The following MGAT5 variants were observed in gnomAD, a reference collection of about 807,000 sequenced individuals.
MGAT5 encodes alpha-1,6-mannosylglycoprotein 6-beta-N-acetylglucosaminyltransferase A.
MGAT5 carries 30 observed loss-of-function variants against 94.3 expected under a neutral mutation model. That is an observed-to-expected ratio of 0.32 (90% CI 0.24 to 0.43). MGAT5 has a LOEUF of 0.43. Ranked by LOEUF, MGAT5 falls within the 20% of genes least tolerant of loss-of-function variation. The pLI, the probability that MGAT5 is intolerant of heterozygous loss-of-function variation, is 1.00. For missense variants in MGAT5, 691 were observed against 905.5 expected (o/e 0.76, Z 3.04); for synonymous variants, 310 against 322.9 (o/e 0.96, Z 0.43).
At chr2:134,168,542 A>G (rs533306748) in intron 1 of MGAT5, among the ~76,000 whole-genome samples, 1 of 152,352 alleles carries the variant, frequency 6.6e-6, no homozygotes, top group East Asian at 1.9e-4. Flanking sequence ...TGGGCTTCAC[A>G]GTATGGTGAA....
At chr2:134,365,533 A>G (rs1680372384) in intron 10 of MGAT5, among the ~76,000 whole-genome samples, 2 of 152,236 alleles carry the variant, frequency 1.3e-5, no homozygotes, top group African/African-American at 4.8e-5. Context: ...AGGAGTCCAC[A>G]TGATGAAGCA....
Position 134,182,952 on chromosome 2 carries a change from A to G in MGAT5, c.-143+62661A>G, listed in dbSNP as rs533655163. The stretch of plus-strand genomic sequence containing the variant: ...CAGGCGCCCACCATCACACCTGGCT[A>G]ATTTTGTTTTTGTATTTTTAGTAGA... On this transcript the variant is annotated intron_variant, in intron 1 of 16. Coordinates refer to the MGAT5 transcript ENST00000409645. 2.4e-4 allele frequency among the ~76,000 whole-genome samples: 37 copies of G among 151,642 alleles called. No individual in the cohort carries two copies. In the South Asian group the frequency reaches 7.5e-3, roughly 31 times the overall value.
At chr2:134,284,694 T>G (rs1684900048) in intron 2 of MGAT5, among the ~76,000 whole-genome samples, 1 of 152,188 alleles carries the variant, frequency 6.6e-6, no homozygotes, top group Non-Finnish European at 1.5e-5. Flanking sequence ...GCAGAACAGT[T>G]ATCTCAATTT....
chr2:134,428,465 T>C (rs763772375), intron 14 of MGAT5, 26 bp downstream of exon 14: 1 of 1,603,038 alleles, frequency 6.2e-7, no homozygotes, highest in South Asian at 1.1e-5. Context: ...AGTCAGTCTG[T>C]CTTTGCTGTG....
chr2:134,403,068 TC>T lies in MGAT5; in HGVS notation c.1464del (p.Ser489ValfsTer3). 6.2e-7 allele frequency: 1 copy of T among 1,612,410 alleles called. No homozygotes were observed. The highest frequency in any genetic ancestry group is 8.5e-7 in the Non-Finnish European group (1 of 1,179,720). ...TTTATGGCTCCAGCACAAAGAATAT[TC>T]CCAGTTACGTGAAAAACCATGGTAT... Reference protein sequence around the residue: ...TVYGSSTKNIPSYVKNHGILS... With the variant: ...TVYGSSTKNIXSYVKNHGILS... On this transcript the variant is annotated frameshift_variant, in exon 11 of 16. Coordinates refer to ENST00000281923, the MANE Select transcript of MGAT5 (RefSeq NM_002410.5). LOFTEE classifies it high-confidence loss of function.
At chr2:134,434,091 C>T (rs966447215) in intron 14 of MGAT5, among the ~76,000 whole-genome samples, 2 of 152,194 alleles carry the variant, frequency 1.3e-5, no homozygotes, top group Non-Finnish European at 2.9e-5. Flanking sequence ...CTCCGCTTTG[C>T]TCTGAACAAG....
chr2:134,292,514 G>T (rs539266149), intron 2 of MGAT5, among the ~76,000 whole-genome samples: 1 of 152,180 alleles, frequency 6.6e-6, no homozygotes, highest in African/African-American at 2.4e-5. Context: ...AGGTTTAAAC[G>T]TGGGGATAAA....
chr2:134,441,956 C>G, intron 15 of MGAT5, 41 bp downstream of exon 15: 1 of 1,599,204 alleles, frequency 6.3e-7, no homozygotes, highest in South Asian at 1.1e-5. Flanking sequence ...AGCCCCTAGA[C>G]TCCAGCTGGC....
chr2:134,406,277 A>C (rs977673734), intron 11 of MGAT5, among the ~76,000 whole-genome samples: 4 of 152,214 alleles, frequency 2.6e-5, no homozygotes, highest in Non-Finnish European at 5.9e-5. Context: ...TCCTTTCTAC[A>C]GTTGAAAACA....
intron 6 of MGAT5, among the ~76,000 whole-genome samples, chr2:134,338,700 T>G (rs1214610696): frequency 6.6e-6 from 1 of 152,146 alleles, no homozygotes; most frequent in African/African-American, 2.4e-5. Context: ...TCAGGAAACT[T>G]TCCCCCATTT....
intron 2 of MGAT5, among the ~76,000 whole-genome samples, chr2:134,286,697 G>C (rs537797379): frequency 3.3e-5 from 5 of 152,240 alleles, no homozygotes; most frequent in African/African-American, 1.2e-4. Context: ...TGAGATTATA[G>C]GTGAGCCACC....
chr2:134,156,671 C>T (rs546488938), intron 1 of MGAT5, among the ~76,000 whole-genome samples: 2 of 152,264 alleles, frequency 1.3e-5, no homozygotes, highest in South Asian at 2.1e-4. Context: ...TTTTACCTGA[C>T]GAGAGCCACG....
intron 1 of MGAT5, among the ~76,000 whole-genome samples, chr2:134,236,778 G>A (rs970075560): frequency 2.0e-5 from 3 of 152,138 alleles, no homozygotes; most frequent in South Asian, 2.1e-4. Flanking sequence ...GTGGTGGTGG[G>A]TGTGTGCATG....
At chr2:134,258,580 T>C (rs1052947067) in intron 1 of MGAT5, among the ~76,000 whole-genome samples, 2 of 152,264 alleles carry the variant, frequency 1.3e-5, no homozygotes, top group Admixed American at 6.5e-5. Flanking sequence ...GTCTCTGACC[T>C]AGATAGTCTC....
chr2:134,336,998 C>T (rs1164770406), intron 5 of MGAT5, among the ~76,000 whole-genome samples: 1 of 152,156 alleles, frequency 6.6e-6, no homozygotes, highest in African/African-American at 2.4e-5. Flanking sequence ...GGTCTCATTG[C>T]AGCTCCTCAG....
At chr2:134,365,545 G>A (rs1199029753) in intron 10 of MGAT5, among the ~76,000 whole-genome samples, 1 of 152,192 alleles carries the variant, frequency 6.6e-6, no homozygotes, top group Non-Finnish European at 1.5e-5. Flanking sequence ...GATGAAGCAG[G>A]ACCAATGTTG....
At chr2:134,436,048 A>G (rs1415095517) in intron 14 of MGAT5, among the ~76,000 whole-genome samples, 1 of 152,098 alleles carries the variant, frequency 6.6e-6, no homozygotes, top group African/African-American at 2.4e-5. Context: ...TTACCTCCAG[A>G]CTCTTGCAGC....
rs563648859 is a variant in MGAT5 at position 134,452,662 on chromosome 2, C to T, written c.*3815C>T. 6.6e-6 allele frequency: 1 copy of T among 152,326 alleles called. No homozygotes were observed. Among genetic ancestry groups the T allele is most frequent in the East Asian group, 1.9e-4 (1 of 5,184 alleles). 9.4% of individuals were successfully genotyped at this position (152,326 alleles called of 1,614,324 possible). A position where few individuals can be genotyped will look rare whatever the true frequency, so the allele number is the denominator to read the frequency against. ...TGTATATTAGACATTGCCACCCTCA[C>T]CTCTGGCCAAAAATTCTTGATTTAA... is the stretch of plus-strand genomic sequence containing the variant. On this transcript the variant is annotated 3_prime_UTR_variant, in exon 16 of 16. Transcript: ENST00000281923.
At chr2:134,308,382 C>G (rs1686456166) in intron 2 of MGAT5, among the ~76,000 whole-genome samples, 1 of 152,150 alleles carries the variant, frequency 6.6e-6, no homozygotes, top group African/African-American at 2.4e-5. Context: ...GTGAGCAGTC[C>G]AGACCAATAG....
Sources: allele counts gnomAD v4.1 joint callset (sites outside exome capture counted in the v4.1 genomes callset), GRCh38; gene constraint gnomAD v4.1.1; transcripts MANE v1.5; gene names NCBI Gene and HGNC (gene_info 2026-07-23, HGNC 2026-07-21).